Variants in TMEM135 observed in about 807,000 individuals in gnomAD.
The protein encoded by TMEM135 is peroxisomal membrane protein 52.
A neutral mutation model predicts 60.3 loss-of-function variants in TMEM135; 30 were observed. That is an observed-to-expected ratio of 0.50 (90% CI 0.37 to 0.68). The LOEUF (loss-of-function observed/expected upper bound fraction) is 0.68. TMEM135 is among the 30% of genes least tolerant of loss of function. The pLI is 0.00. For missense variants in TMEM135, 468 were observed against 548.8 expected (o/e 0.85, Z 1.47); for synonymous variants, 190 against 186.7 (o/e 1.02, Z -0.14).
rs1189108621 is a variant in TMEM135 at position 87,327,922 on chromosome 11, C to T, written c.*6589C>T. ...TTCTGTTTTTATTCTACCCAGGCCT[C>T]CAGTGGATTGGAGGTGCCTGCCCAT... On this transcript the variant is annotated 3_prime_UTR_variant, in exon 15 of 15. Coordinates refer to ENST00000305494, the MANE Select transcript of TMEM135 (RefSeq NM_022918.4). 1 of 454,018 alleles carries T rather than the reference C, an allele frequency of 2.2e-6. No homozygotes were observed. Among genetic ancestry groups the T allele is most frequent in the Admixed American group, 2.3e-5 (1 of 42,562 alleles). 28.1% of individuals were successfully genotyped at this position (454,018 alleles called of 1,614,324 possible). A position where few individuals can be genotyped will look rare whatever the true frequency, so the allele number is the denominator to read the frequency against.
chr11:87,060,617 C>T (rs187233288), intron 1 of TMEM135, among the ~76,000 whole-genome samples: 11 of 151,772 alleles, frequency 7.2e-5, no homozygotes, highest in African/African-American at 9.7e-5. Context: ...TGAGTAACTT[C>T]GTCTCTCTGT....
intron 6 of TMEM135, among the ~76,000 whole-genome samples, chr11:87,264,629 G>A (rs151202659): frequency 1.3e-5 from 2 of 151,938 alleles, no homozygotes; most frequent in African/African-American, 4.8e-5. Context: ...AATGCAGTCT[G>A]TACATTTTAA....
intron 5 of TMEM135, among the ~76,000 whole-genome samples, chr11:87,230,114 C>T (rs529836977): frequency 6.6e-6 from 1 of 151,992 alleles, no homozygotes; most frequent in African/African-American, 2.4e-5. Flanking sequence ...TTAGTAGTTC[C>T]TCTCCATCAC....
At chr11:87,223,979 C>T (rs1339861665) in intron 5 of TMEM135, among the ~76,000 whole-genome samples, 1 of 152,126 alleles carries the variant, frequency 6.6e-6, no homozygotes, top group East Asian at 1.9e-4. Context: ...CAAACCAAAC[C>T]AGATATGAGC....
intron 4 of TMEM135, among the ~76,000 whole-genome samples, chr11:87,126,817 G>A (rs541726093): frequency 6.6e-6 from 1 of 152,148 alleles, no homozygotes; most frequent in East Asian, 1.9e-4. Context: ...TACTGTATGT[G>A]TTTATAAAAT....
intron 3 of TMEM135, among the ~76,000 whole-genome samples, chr11:87,076,039 C>T (rs554732480): frequency 6.6e-6 from 1 of 152,300 alleles, no homozygotes; most frequent in South Asian, 2.1e-4. Flanking sequence ...GTAACCATTA[C>T]TTGGCTACCA....
intron 8 of TMEM135, among the ~76,000 whole-genome samples, chr11:87,305,185 A>G (rs1274067498): frequency 8.5e-5 from 13 of 152,112 alleles, no homozygotes; most frequent in Admixed American, 8.5e-4. Context: ...GCATGTTCTC[A>G]TTATGACTTT....
intron 5 of TMEM135, among the ~76,000 whole-genome samples, chr11:87,191,079 C>T (rs184297743): frequency 1.5e-4 from 23 of 152,198 alleles, no homozygotes; most frequent in Admixed American, 9.2e-4. Flanking sequence ...AATTCCTTGC[C>T]GGCTGGTTGC....
chr11:87,209,853 T>A (rs931896212), intron 5 of TMEM135, among the ~76,000 whole-genome samples: 8 of 152,098 alleles, frequency 5.3e-5, no homozygotes, highest in Admixed American at 5.2e-4. Context: ...AAAGTAGAAA[T>A]CATTACCAAG....
intron 4 of TMEM135, among the ~76,000 whole-genome samples, chr11:87,110,346 C>G (rs1006010660): frequency 3.3e-5 from 5 of 151,960 alleles, no homozygotes; most frequent in Non-Finnish European, 5.9e-5. Context: ...ATCTGTAGAC[C>G]TAGCTACTTG....
In TMEM135 at chr11:87,069,166, G is replaced by A. The variant is rs970314026; in HGVS notation, c.269+1345G>A. On this transcript the variant is annotated intron_variant, in intron 2 of 14. Coordinates refer to ENST00000305494, the MANE Select transcript of TMEM135 (RefSeq NM_022918.4). ...CCGGGCGTGGTGGCATGCGCCTGTAGTCCCATCTACTTGGGAGGCTGAGGC... is the reference window on the plus strand; with the variant it reads ...CCGGGCGTGGTGGCATGCGCCTGTAATCCCATCTACTTGGGAGGCTGAGGC... Among the ~76,000 whole-genome samples, 4 of 151,034 alleles carry A rather than the reference G, an allele frequency of 2.6e-5. No homozygotes were observed. The South Asian group carries it at 6.3e-4, about 24-fold the overall frequency.
intron 6 of TMEM135, 101 bp downstream of exon 6, chr11:87,236,785 A>G: frequency 8.4e-7 from 1 of 1,193,540 alleles, no homozygotes. Flanking sequence ...ATTATCCCTT[A>G]CAAGCAGCAT....
At chr11:87,287,513 C>G (rs995440361) in intron 6 of TMEM135, among the ~76,000 whole-genome samples, 1 of 152,074 alleles carries the variant, frequency 6.6e-6, no homozygotes, top group Admixed American at 6.5e-5. Flanking sequence ...CCCGTCTCTA[C>G]TAAAAATACA....
chr11:87,090,016 A>G (rs1412334715), intron 3 of TMEM135, among the ~76,000 whole-genome samples: 1 of 152,062 alleles, frequency 6.6e-6, no homozygotes, highest in Admixed American at 6.5e-5. Context: ...CACCTTTACC[A>G]GTGATTTTTA....
intron 1 of TMEM135, among the ~76,000 whole-genome samples, chr11:87,056,622 C>A (rs924752497): frequency 8.5e-5 from 13 of 152,118 alleles, no homozygotes; most frequent in African/African-American, 2.4e-4. Flanking sequence ...TTAACATTGG[C>A]TTTATCTTCT....
chr11:87,044,600 A>G (rs1235803713), intron 1 of TMEM135, among the ~76,000 whole-genome samples: 1 of 152,134 alleles, frequency 6.6e-6, no homozygotes, highest in South Asian at 2.1e-4. Context: ...TTCAATAACT[A>G]AATGATTTTT....
intron 2 of TMEM135, among the ~76,000 whole-genome samples, chr11:87,068,478 A>G (rs1315371247): frequency 2.0e-5 from 3 of 152,214 alleles, no homozygotes; most frequent in South Asian, 2.1e-4. Flanking sequence ...TTAGTGTTGA[A>G]CAAAGTAGTT....
chr11:87,191,931 T>C, intron 5 of TMEM135, among the ~76,000 whole-genome samples: 1 of 151,728 alleles, frequency 6.6e-6, no homozygotes, highest in East Asian at 1.9e-4. Flanking sequence ...TGGGGCATTT[T>C]TTTGAGAGCT....
chr11:87,229,620 A>G (rs1940844810), intron 5 of TMEM135, among the ~76,000 whole-genome samples: 1 of 152,198 alleles, frequency 6.6e-6, no homozygotes, highest in Non-Finnish European at 1.5e-5. Flanking sequence ...TCACCTCCAG[A>G]GATGTTTACA....
Sources: gnomAD v4.1 joint callset for allele counts (sites outside exome capture counted in the v4.1 genomes callset) on GRCh38, gnomAD v4.1.1 for gene constraint, MANE v1.5 for transcripts, NCBI Gene and HGNC (gene_info 2026-07-23, HGNC 2026-07-21) for gene names.